VHL: variants seen among roughly 807,000 people sequenced by gnomAD.
VHL encodes the protein von Hippel-Lindau disease tumor suppressor.
A neutral mutation model predicts 19.2 loss-of-function variants in VHL; 10 were observed. That is an observed-to-expected ratio of 0.52 (90% CI 0.32 to 0.89). VHL has a LOEUF of 0.89. Among genes scored for constraint, VHL ranks in the 40% least tolerant of loss-of-function variants. The pLI is 0.03. For synonymous variants in VHL, 167 were observed against 129.5 expected (o/e 1.29, Z -1.97); for missense variants, 328 against 292.7 (o/e 1.12, Z -0.88).
At chr3:10,148,065 C>T (rs1696307007) in intron 2 of VHL, among the ~76,000 whole-genome samples, 1 of 151,464 alleles carries the variant, frequency 6.6e-6, no homozygotes, top group Non-Finnish European at 1.5e-5. Context: ...CACTGCACTC[C>T]AGCCCAGGTG....
chr3:10,149,893 C>T lies in VHL; in HGVS notation c.570C>T (p.Asp190=), dbSNP rs2125130723. 1 of 1,614,162 alleles carries T rather than the reference C, an allele frequency of 6.2e-7. No individual in the cohort carries two copies. The highest frequency in any genetic ancestry group is 8.5e-7 in the Non-Finnish European group (1 of 1,180,020). Residue 190 remains aspartate, a synonymous_variant, in exon 3 of 3, where the codon GAC becomes GAT. Transcript: ENST00000256474. The part of the protein sequence containing the change: ...IVRSLYEDLE[D]HPNVQKDLER... ...GGTCGCTCTACGAAGATCTGGAAGA[C>T]CACCCAAATGTGCAGAAAGACCTGG...
intron 1 of VHL, among the ~76,000 whole-genome samples, chr3:10,144,579 C>A (rs183729251): frequency 6.8e-6 from 1 of 146,072 alleles, no homozygotes; most frequent in South Asian, 2.2e-4. Flanking sequence ...GGCATGATCA[C>A]GGCTCATTGC....
At position 10,150,357 on chromosome 3, in the gene VHL, G is replaced by A. The variant is rs886057708; in HGVS notation, c.*392G>A. The A allele has an allele frequency of 9.9e-5, 122 of 1,227,476 alleles. No individual in the cohort carries two copies. The highest frequency in any genetic ancestry group is 4.6e-5 in the African/African-American group (3 of 65,594). The allele number at this position is 1,227,476 out of a possible 1,614,324, so 76.0% of individuals were successfully genotyped here. A position where few individuals can be genotyped will look rare whatever the true frequency, so the allele number is the denominator to read the frequency against. On this transcript the variant is annotated 3_prime_UTR_variant, in exon 3 of 3. Coordinates refer to ENST00000256474, the MANE Select transcript of VHL (RefSeq NM_000551.4). ...TGTATAATACATCCATTCTACATCCGTAGCGGTTGGTGACTTGTCTGCCTC... is the reference window on the plus strand; with the variant it reads ...TGTATAATACATCCATTCTACATCCATAGCGGTTGGTGACTTGTCTGCCTC...
In VHL at chr3:10,153,277, CAAAA is replaced by C. The variant is rs967514688; in HGVS notation, c.*3320_*3323del. Among the ~76,000 whole-genome samples, 10 of 136,362 alleles carry C rather than the reference CAAAA, an allele frequency of 7.3e-5. No individual in the cohort carries two copies. Among genetic ancestry groups the C allele is most frequent in the Non-Finnish European group, 1.6e-4 (10 of 62,778 alleles). 89.5% of individuals were successfully genotyped at this position (136,362 alleles called of 152,430 possible). On this transcript the variant is annotated 3_prime_UTR_variant, in exon 3 of 3. Coordinates refer to ENST00000256474, the MANE Select transcript of VHL (RefSeq NM_000551.4). ...TGGGCGACAGAGTGAGACACCGTCT[CAAAA>C]AAAAAAACAAAAAACAAAAATTATC...
chr3:10,149,684 T>G, intron 2 of VHL, 103 bp from the exon 3 acceptor site: 5 of 1,020,340 alleles, frequency 4.9e-6, no homozygotes, highest in South Asian at 1.3e-5. Flanking sequence ...TAACCTAAAG[T>G]GAGATCCATC....
At chr3:10,149,677 C>A (rs1696351475) in intron 2 of VHL, 110 bp from the exon 3 acceptor site, 4 of 974,836 alleles carry the variant, frequency 4.1e-6, no homozygotes, top group Non-Finnish European at 6.4e-6. Flanking sequence ...TTTTCTTTAA[C>A]CTAAAGTGAG....
At position 10,150,224 on chromosome 3, in the gene VHL, T is replaced by C; in HGVS notation, c.*259T>C. 2 of 1,351,722 alleles carry C rather than the reference T, an allele frequency of 1.5e-6. No individual in the cohort carries two copies. Among genetic ancestry groups the C allele is most frequent in the East Asian group, 3.0e-5 (1 of 33,248 alleles). 83.7% of individuals were successfully genotyped at this position (1,351,722 alleles called of 1,614,324 possible). ...AGAAGGTGGTGGCATTTTTGCTTCC[T>C]AGTAAGTCAGGACAGCTTGTATGTA... is the stretch of plus-strand genomic sequence containing the variant. On this transcript the variant is annotated 3_prime_UTR_variant, in exon 3 of 3. Transcript: ENST00000256474.
Position 10,150,525 on chromosome 3 carries a change from A to G in VHL, c.*560A>G. On this transcript the variant is annotated 3_prime_UTR_variant, in exon 3 of 3. Transcript: ENST00000256474. ...GGACACTTTGTTAGAAAGTGCTTAG[A>G]GGTTCTGCCTCTATTTTTGTTGGGG... The G allele has an allele frequency of 3.2e-6, 1 of 314,580 alleles. No individual in the cohort carries two copies. Among genetic ancestry groups the G allele is most frequent in the Non-Finnish European group, 5.4e-6 (1 of 184,696 alleles). The allele number at this position is 314,580 out of a possible 1,614,324, so 19.5% of individuals were successfully genotyped here. A position where few individuals can be genotyped will look rare whatever the true frequency, so the allele number is the denominator to read the frequency against.
intron 1 of VHL, chr3:10,142,519 T>C: frequency 2.9e-6 from 1 of 340,318 alleles, no homozygotes; most frequent in Non-Finnish European, 5.5e-6. Context: ...CTGATTTTTA[T>C]ATTTTTAGTA....
rs537035541 is a variant in VHL at position 10,151,227 on chromosome 3, C to G, written c.*1262C>G. The G allele has an allele frequency of 2.0e-4, 41 of 203,724 alleles. No individual in the cohort carries two copies. The highest frequency in any genetic ancestry group is 8.7e-4 in the African/African-American group (38 of 43,854). 12.6% of individuals were successfully genotyped at this position (203,724 alleles called of 1,614,324 possible). A position where few individuals can be genotyped will look rare whatever the true frequency, so the allele number is the denominator to read the frequency against. On this transcript the variant is annotated 3_prime_UTR_variant, in exon 3 of 3. Coordinates refer to ENST00000256474, the MANE Select transcript of VHL (RefSeq NM_000551.4). ...GCAGGACCAGGTGGCACTTCCACCT[C>G]CAGCCTCTGGTCCTACCAATGGATT...
rs1696381509 is a variant in VHL at position 10,150,400 on chromosome 3, A to C, written c.*435A>C. 1.3e-5 allele frequency: 15 copies of C among 1,193,516 alleles called. No individual in the cohort carries two copies. Among genetic ancestry groups the C allele is most frequent in the Non-Finnish European group, 1.6e-5 (15 of 950,278 alleles). 73.9% of individuals were successfully genotyped at this position (1,193,516 alleles called of 1,614,324 possible). On this transcript the variant is annotated 3_prime_UTR_variant, in exon 3 of 3. Coordinates refer to ENST00000256474, the MANE Select transcript of VHL (RefSeq NM_000551.4). The stretch of plus-strand genomic sequence containing the variant: ...TCTGCCTCCTGCTTTGGGAAGACTG[A>C]GGCATCCGTGAGGCAGGGACAAGTC...
chr3:10,151,106 C>G lies in VHL; in HGVS notation c.*1141C>G, dbSNP rs1696399955. On this transcript the variant is annotated 3_prime_UTR_variant, in exon 3 of 3. Coordinates refer to ENST00000256474, the MANE Select transcript of VHL (RefSeq NM_000551.4). ...TGTTGGCCAGGCTGGTTTCAAACTCCTGACCTCAGGTGATCCGCCCACCTC... is the reference window on the plus strand; with the variant it reads ...TGTTGGCCAGGCTGGTTTCAAACTCGTGACCTCAGGTGATCCGCCCACCTC... 5.4e-6 allele frequency: 1 copy of G among 185,654 alleles called. No individual in the cohort carries two copies. Among genetic ancestry groups the G allele is most frequent in the Non-Finnish European group, 1.1e-5 (1 of 87,926 alleles). 11.5% of individuals were successfully genotyped at this position (185,654 alleles called of 1,614,324 possible).
chr3:10,150,493 A>C lies in VHL; in HGVS notation c.*528A>C. On this transcript the variant is annotated 3_prime_UTR_variant, in exon 3 of 3. Transcript: ENST00000256474. ...TCAGTCAGGGTTTGTCAGAGGAACAAACCAGGGGACACTTTGTTAGAAAGT... is the reference window on the plus strand; with the variant it reads ...TCAGTCAGGGTTTGTCAGAGGAACACACCAGGGGACACTTTGTTAGAAAGT... The C allele has an allele frequency of 4.3e-6, 2 of 469,880 alleles. No individual in the cohort carries two copies. The highest frequency in any genetic ancestry group is 6.2e-6 in the Non-Finnish European group (2 of 320,512). 29.1% of individuals were successfully genotyped at this position (469,880 alleles called of 1,614,324 possible). A position where few individuals can be genotyped will look rare whatever the true frequency, so the allele number is the denominator to read the frequency against.
At chr3:10,148,719 C>T (rs1575930832) in intron 2 of VHL, among the ~76,000 whole-genome samples, 1 of 148,186 alleles carries the variant, frequency 6.7e-6, no homozygotes, top group Non-Finnish European at 1.5e-5. Flanking sequence ...CACTGTGTCA[C>T]CCAGGCTGGA....
rs201934530 is a variant in VHL at position 10,149,984 on chromosome 3, A to G, written c.*19A>G. On this transcript the variant is annotated 3_prime_UTR_variant, in exon 3 of 3. Transcript: ENST00000256474. ...AGATTGAAGATTTCTGTTGAAACTT[A>G]CACTGTTTCATCTCAGCTTTTGATG... The G allele has an allele frequency of 1.9e-6, 3 of 1,608,810 alleles. No individual in the cohort carries two copies. Among genetic ancestry groups the G allele is most frequent in the Admixed American group, 3.4e-5 (2 of 59,120 alleles).
chr3:10,149,727 G>A (rs2125130358), intron 2 of VHL, 60 bp from the exon 3 acceptor site: 1 of 1,472,376 alleles, frequency 6.8e-7, no homozygotes, highest in Non-Finnish European at 9.5e-7. Context: ...AAAGCCTCTT[G>A]TTCGTTCCTT....
At chr3:10,145,752 A>C (rs1034440538) in intron 1 of VHL, among the ~76,000 whole-genome samples, 5 of 151,972 alleles carry the variant, frequency 3.3e-5, no homozygotes, top group Non-Finnish European at 4.4e-5. Context: ...TATAATTTAC[A>C]TACAGTAAAA....
chr3:10,151,224 C>T lies in VHL; in HGVS notation c.*1259C>T, dbSNP rs972841852. The T allele has an allele frequency of 4.9e-5, 10 of 203,202 alleles. No homozygotes were observed. The highest frequency in any genetic ancestry group is 1.0e-4 in the Non-Finnish European group (10 of 98,984). 12.6% of individuals were successfully genotyped at this position (203,202 alleles called of 1,614,324 possible). ...CAGGCAGGACCAGGTGGCACTTCCACCTCCAGCCTCTGGTCCTACCAATGG... is the reference window on the plus strand; with the variant it reads ...CAGGCAGGACCAGGTGGCACTTCCATCTCCAGCCTCTGGTCCTACCAATGG... On this transcript the variant is annotated 3_prime_UTR_variant, in exon 3 of 3. Coordinates refer to ENST00000256474, the MANE Select transcript of VHL (RefSeq NM_000551.4).
rs1013196878 is a variant in VHL, at chr3:10,152,607, C to G, written c.*2642C>G. 6.8e-6 allele frequency among the ~76,000 whole-genome samples: 1 copy of G among 147,818 alleles called. No individual in the cohort carries two copies. The highest frequency in any genetic ancestry group is 2.1e-4 in the East Asian group (1 of 4,710). Reference sequence around the variant, plus strand: ...TCCCGAGTTCAAGTGATTCTCCTGGCTCACCCTCCTGAGTAGCTGGGATTA... The same window carrying G: ...TCCCGAGTTCAAGTGATTCTCCTGGGTCACCCTCCTGAGTAGCTGGGATTA... On this transcript the variant is annotated 3_prime_UTR_variant, in exon 3 of 3. Coordinates refer to ENST00000256474, the MANE Select transcript of VHL (RefSeq NM_000551.4).
Sources: allele counts gnomAD v4.1 joint callset (sites outside exome capture counted in the v4.1 genomes callset), GRCh38; gene constraint gnomAD v4.1.1; transcripts MANE v1.5; gene names NCBI Gene and HGNC (gene_info 2026-07-23, HGNC 2026-07-21).